Variants in RAB38 observed in about 807,000 individuals in gnomAD.
The protein encoded by RAB38 is RAB38, member RAS oncogene family, also known as ras-related protein Rab-38.
Under a neutral mutation model 18.4 loss-of-function variants are expected in RAB38, and 15 were observed. That is an observed-to-expected ratio of 0.82 (90% CI 0.55 to 1.26). The LOEUF is 1.26. Among genes scored for constraint, RAB38 ranks in the 50% most tolerant of loss-of-function variants. The pLI is 0.00. For synonymous variants in RAB38, 101 were observed against 104.4 expected, an observed-to-expected ratio of 0.97 and a Z score of 0.20; for missense variants, 294 against 267.4, an observed-to-expected ratio of 1.10 and a Z score of -0.69.
At chr11:87,912,723 AT>A in the RAB38 span, among the ~76,000 whole-genome samples, 6 of 84,678 alleles carry the variant, frequency 7.1e-5, no homozygotes, top group Admixed American at 6.1e-4. Context: ...GATATTCATT[AT>A]TTCCTTTTTT....
At chr11:87,941,213 A>ATT in the RAB38 span, among the ~76,000 whole-genome samples, 1 of 41,060 alleles carries the variant, frequency 2.4e-5, no homozygotes, top group African/African-American at 9.3e-5. Flanking sequence ...TAAATATATG[A>ATT]GATATATATA....
At chr11:88,051,394 A>C in the RAB38 span, among the ~76,000 whole-genome samples, 1 of 151,340 alleles carries the variant, frequency 6.6e-6, no homozygotes, top group South Asian at 2.2e-4. Flanking sequence ...CTGAGTGGTG[A>C]CATACATCAC....
At chr11:88,142,182 T>A (rs1192080200) in intron 2 of RAB38, among the ~76,000 whole-genome samples, 1 of 152,204 alleles carries the variant, frequency 6.6e-6, no homozygotes, top group Non-Finnish European at 1.5e-5. Context: ...GAAACACTTT[T>A]GCAGATCATG....
At chr11:87,943,823 A>AAAAG in the RAB38 span, among the ~76,000 whole-genome samples, 1 of 152,154 alleles carries the variant, frequency 6.6e-6, no homozygotes, top group Non-Finnish European at 1.5e-5. Context: ...AAGTCTAAGG[A>AAAAG]AAAGAACTAT....
chr11:87,894,957 A>G, the RAB38 span, among the ~76,000 whole-genome samples: 1 of 151,654 alleles, frequency 6.6e-6, no homozygotes. Flanking sequence ...GACTCCTGGA[A>G]CAGCTACAAG....
the RAB38 span, among the ~76,000 whole-genome samples, chr11:87,878,282 C>A: frequency 0.034 from 4,744 of 140,518 alleles, 295 homozygotes; most frequent in Admixed American, 0.13. Flanking sequence ...ATCTATCTAT[C>A]TATCTATCTA....
the RAB38 span, among the ~76,000 whole-genome samples, chr11:88,028,060 G>A: frequency 1.3e-3 from 195 of 152,280 alleles, 2 homozygotes; most frequent in Middle Eastern, 6.8e-3. Flanking sequence ...ACAGCAGCAT[G>A]CACGGTTCAA....
At chr11:88,094,743 A>G in the RAB38 span, among the ~76,000 whole-genome samples, 1 of 151,962 alleles carries the variant, frequency 6.6e-6, no homozygotes, top group Admixed American at 6.6e-5. Flanking sequence ...AGGCAGAACT[A>G]TACTTTTTGA....
At chr11:87,812,455 G>A in the RAB38 span, among the ~76,000 whole-genome samples, 1 of 152,190 alleles carries the variant, frequency 6.6e-6, no homozygotes, top group African/African-American at 2.4e-5. Context: ...AAGGCTGAAG[G>A]AGACATGTAG....
the RAB38 span, among the ~76,000 whole-genome samples, chr11:87,881,954 T>G: frequency 6.6e-6 from 1 of 151,784 alleles, no homozygotes; most frequent in Non-Finnish European, 1.5e-5. Context: ...CCAGTGCCAT[T>G]CTTCCTTTCC....
chr11:88,137,192 A>G (rs931367829), intron 2 of RAB38, among the ~76,000 whole-genome samples: 1 of 152,188 alleles, frequency 6.6e-6, no homozygotes, highest in African/African-American at 2.4e-5. Flanking sequence ...CACCATAGCC[A>G]CTATTCAACA....
the RAB38 span, among the ~76,000 whole-genome samples, chr11:87,970,463 GGTTT>G: frequency 6.6e-6 from 1 of 151,886 alleles, no homozygotes; most frequent in Middle Eastern, 3.4e-3. Flanking sequence ...TTAATTTCTG[GGTTT>G]ATTTGTTCTC....
the RAB38 span, among the ~76,000 whole-genome samples, chr11:88,049,405 G>T: frequency 2.0e-5 from 3 of 151,906 alleles, no homozygotes; most frequent in African/African-American, 7.3e-5. Flanking sequence ...TGGCTCAAAA[G>T]CTCCCCCACT....
chr11:87,917,014 T>C, the RAB38 span, among the ~76,000 whole-genome samples: 2 of 152,128 alleles, frequency 1.3e-5, no homozygotes, highest in African/African-American at 4.8e-5. Flanking sequence ...TGGAGAGTCA[T>C]CCAGGACATA....
At chr11:88,076,993 G>A in the RAB38 span, among the ~76,000 whole-genome samples, 2 of 89,144 alleles carry the variant, frequency 2.2e-5, no homozygotes, top group African/African-American at 3.7e-5. Flanking sequence ...AGAAAGAAAA[G>A]AAAAGAAAAG....
At chr11:87,939,993 AAAGAG>A in the RAB38 span, among the ~76,000 whole-genome samples, 3 of 152,088 alleles carry the variant, frequency 2.0e-5, no homozygotes, top group Middle Eastern at 3.2e-3. Context: ...AAGAAATATT[AAAGAG>A]AAGAGCAAAA....
chr11:87,908,892 T>C, the RAB38 span, among the ~76,000 whole-genome samples: 1 of 151,936 alleles, frequency 6.6e-6, no homozygotes, highest in Non-Finnish European at 1.5e-5. Flanking sequence ...AAATGCTTGT[T>C]TTATTAAAAA....
chr11:88,029,334 T>C, the RAB38 span, among the ~76,000 whole-genome samples: 2 of 148,736 alleles, frequency 1.3e-5, no homozygotes, highest in African/African-American at 5.0e-5. Context: ...ACGAGCAAAA[T>C]AACCAGCTAA....
the RAB38 span, among the ~76,000 whole-genome samples, chr11:88,099,826 T>C: frequency 6.6e-6 from 1 of 151,818 alleles, no homozygotes; most frequent in African/African-American, 2.4e-5. Context: ...CTTGGTGATA[T>C]TTAAATTTCA....
Sources: allele counts gnomAD v4.1 joint callset (sites outside exome capture counted in the v4.1 genomes callset), GRCh38; gene constraint gnomAD v4.1.1; transcripts MANE v1.5; gene names NCBI Gene and HGNC (gene_info 2026-07-23, HGNC 2026-07-21).